MTUS2: variants seen among roughly 807,000 people sequenced by gnomAD.
MTUS2 encodes the protein microtubule associated scaffold protein 2.
MTUS2 carries 40 observed loss-of-function variants against 114.1 expected under a neutral mutation model. That is an observed-to-expected ratio of 0.35 (90% confidence interval 0.27 to 0.46). The LOEUF (loss-of-function observed/expected upper bound fraction) is 0.46, where lower values mean the gene tolerates loss of function less well. Ranked by LOEUF, MTUS2 falls within the 20% of genes least tolerant of loss-of-function variation. The pLI is 1.00. For synonymous variants in MTUS2, 688 were observed against 672.0 expected, an observed-to-expected ratio of 1.02 and a Z score of -0.37; for missense variants, 1,679 against 1,705.4, an observed-to-expected ratio of 0.98 and a Z score of 0.27.
At chr13:29,445,872 C>T (rs1409441662) in intron 9 of MTUS2, among the ~76,000 whole-genome samples, 1 of 151,736 alleles carries the variant, frequency 6.6e-6, no homozygotes, top group East Asian at 1.9e-4. Context: ...TGTGCCACTG[C>T]ACTCCAGCCT....
intron 5 of MTUS2, among the ~76,000 whole-genome samples, chr13:29,115,385 G>A (rs1891047849): frequency 6.6e-6 from 1 of 152,216 alleles, no homozygotes; most frequent in Non-Finnish European, 1.5e-5. Flanking sequence ...CTATGTGCAT[G>A]TGTGAATTTG....
chr13:29,404,239 T>C (rs1407408288), intron 8 of MTUS2, among the ~76,000 whole-genome samples: 1 of 151,310 alleles, frequency 6.6e-6, no homozygotes, highest in Non-Finnish European at 1.5e-5. Flanking sequence ...TAGTCCCAGC[T>C]ACTCGGGAGG....
At chr13:29,321,305 A>G (rs1338025828) in intron 6 of MTUS2, among the ~76,000 whole-genome samples, 1 of 152,234 alleles carries the variant, frequency 6.6e-6, no homozygotes. Flanking sequence ...GCCGGGAGGC[A>G]GTAGGAAAAC....
At chr13:29,169,556 T>C (rs371594342) in intron 5 of MTUS2, among the ~76,000 whole-genome samples, 1 of 152,160 alleles carries the variant, frequency 6.6e-6, no homozygotes, top group African/African-American at 2.4e-5. Context: ...GAGACTCTTC[T>C]GGGGCTGGGT....
intron 2 of MTUS2, among the ~76,000 whole-genome samples, chr13:28,930,130 T>C (rs192056093): frequency 6.6e-6 from 1 of 152,338 alleles, no homozygotes; most frequent in Non-Finnish European, 1.5e-5. Flanking sequence ...CCACAGTCTT[T>C]CATTTTCCCT....
At chr13:28,982,072 A>T (rs995162177) in intron 2 of MTUS2, among the ~76,000 whole-genome samples, 1 of 152,172 alleles carries the variant, frequency 6.6e-6, no homozygotes, top group African/African-American at 2.4e-5. Flanking sequence ...TTAATGGCCA[A>T]TGTAAATGTC....
At chr13:28,894,547 T>C (rs1879152398) in intron 2 of MTUS2, among the ~76,000 whole-genome samples, 2 of 152,274 alleles carry the variant, frequency 1.3e-5, no homozygotes, top group Non-Finnish European at 1.5e-5. Flanking sequence ...GTCTGTCCAC[T>C]CCGTGGTGTT....
intron 6 of MTUS2, among the ~76,000 whole-genome samples, chr13:29,304,766 C>T (rs1566119726): frequency 2.6e-5 from 4 of 152,162 alleles, no homozygotes; most frequent in Admixed American, 6.5e-5. Context: ...AGGATCTGAA[C>T]TCAGCCCTGG....
At chr13:29,112,943 T>G (rs920036384) in intron 5 of MTUS2, among the ~76,000 whole-genome samples, 4 of 152,122 alleles carry the variant, frequency 2.6e-5, no homozygotes, top group African/African-American at 9.7e-5. Context: ...TAATGGTTCT[T>G]TGAGTAATAC....
chr13:29,241,928 G>A (rs1452438493), intron 5 of MTUS2, among the ~76,000 whole-genome samples: 31 of 152,084 alleles, frequency 2.0e-4, no homozygotes, highest in Admixed American at 2.0e-3. Context: ...TACTGTATGT[G>A]CTGCCTTGCC....
rs1271333160 is a variant in MTUS2, at chr13:29,504,830, C to T, written c.*1624C>T. The T allele has an allele frequency of 8.6e-6, 2 of 232,832 alleles. No individual in the cohort carries two copies. The highest frequency in any genetic ancestry group is 1.7e-5 in the Non-Finnish European group (2 of 117,878). 14.4% of individuals were successfully genotyped at this position (232,832 alleles called of 1,614,324 possible). On this transcript the variant is annotated 3_prime_UTR_variant, in exon 16 of 16. Coordinates refer to ENST00000612955, the MANE Select transcript of MTUS2 (RefSeq NM_001033602.4). ...TGAGCGTGCCCAAGGCGAGAAGAAC[C>T]ATGAGGGGGTCCTGCAGGGGCCGGA...
At chr13:29,266,871 G>T (rs957987052) in intron 5 of MTUS2, among the ~76,000 whole-genome samples, 2 of 152,208 alleles carry the variant, frequency 1.3e-5, no homozygotes, top group African/African-American at 4.8e-5. Context: ...CCACGGGATG[G>T]AATCCTACCT....
At chr13:29,008,461 C>T (rs1342019587) in intron 2 of MTUS2, among the ~76,000 whole-genome samples, 1 of 152,200 alleles carries the variant, frequency 6.6e-6, no homozygotes, top group Non-Finnish European at 1.5e-5. Context: ...GGCCACCACC[C>T]ATTTCCTTTT....
chr13:29,296,323 C>T (rs1202079210), intron 6 of MTUS2, among the ~76,000 whole-genome samples: 1 of 152,052 alleles, frequency 6.6e-6, no homozygotes. Context: ...TGGTGATCCT[C>T]CCACCTGAGT....
chr13:29,480,562 G>A lies in MTUS2; in HGVS notation c.3399+198G>A, dbSNP rs1339529495. Reference sequence around the variant, plus strand: ...GTGGCCTCCTTCACTCTTCCTCAGGGTTTTCACACTTGCTGTGCCCTCTGC... The same window carrying A: ...GTGGCCTCCTTCACTCTTCCTCAGGATTTTCACACTTGCTGTGCCCTCTGC... On this transcript the variant is annotated intron_variant, in intron 10 of 15. Coordinates refer to ENST00000612955, the MANE Select transcript of MTUS2 (RefSeq NM_001033602.4). The surrounding 1 kb of genome is among the most constrained non-coding windows in gnomAD (Gnocchi z 4.4). Among the ~76,000 whole-genome samples the A allele has an allele frequency of 1.3e-5, 2 of 152,084 alleles. No individual in the cohort carries two copies. Among genetic ancestry groups the A allele is most frequent in the Admixed American group, 6.5e-5 (1 of 15,270 alleles).
In MTUS2 at chr13:29,354,240, A is replaced by ATTT. The variant is rs5802516; in HGVS notation, c.2906-5005_2906-5003dup. Among the ~76,000 whole-genome samples, 1,201 of 120,370 alleles carry ATTT rather than the reference A, an allele frequency of 1.0e-2. 25 individuals carry two copies. The highest frequency in any genetic ancestry group is 0.035 in the African/African-American group (1,104 of 31,814). The allele number at this position is 120,370 out of a possible 152,430, so 79.0% of individuals were successfully genotyped here. The stretch of plus-strand genomic sequence containing the variant: ...AACCATTGTCTTGTATATTTTGGGC[A>ATTT]TTTTTTTTTTTTTTTTTTTGCTGGT... On this transcript the variant is annotated intron_variant, in intron 7 of 15. Coordinates refer to ENST00000612955, the MANE Select transcript of MTUS2 (RefSeq NM_001033602.4).
At chr13:29,142,567 G>A (rs549360910) in intron 5 of MTUS2, among the ~76,000 whole-genome samples, 54 of 152,242 alleles carry the variant, frequency 3.5e-4, no homozygotes, top group Non-Finnish European at 6.9e-4. Context: ...TTAGCTGGGC[G>A]TGGTAGCCGG....
intron 4 of MTUS2, among the ~76,000 whole-genome samples, chr13:29,085,308 A>G (rs904912669): frequency 2.0e-5 from 3 of 152,180 alleles, no homozygotes; most frequent in Non-Finnish European, 4.4e-5. Context: ...TTTTAAGTTC[A>G]GGGGGTACAT....
chr13:29,081,427 T>TG (rs971080009), intron 4 of MTUS2, among the ~76,000 whole-genome samples: 5 of 152,068 alleles, frequency 3.3e-5, no homozygotes, highest in African/African-American at 1.2e-4. Context: ...TAAGCCCTTA[T>TG]GGTGCTCTAT....
Sources: gnomAD v4.1 joint callset for allele counts (sites outside exome capture counted in the v4.1 genomes callset) on GRCh38, gnomAD v4.1.1 for gene constraint, Gnocchi (gnomAD v3.1) non-coding constraint, MANE v1.5 for transcripts, NCBI Gene and HGNC (gene_info 2026-07-23, HGNC 2026-07-21) for gene names.